Variants in IMMP2L observed in about 807,000 individuals in gnomAD.
IMMP2L encodes the protein inner mitochondrial membrane peptidase subunit 2, also known as mitochondrial inner membrane protease subunit 2.
IMMP2L carries 18 observed loss-of-function variants against 19.3 expected under a neutral mutation model. The observed-to-expected ratio is 0.93, with a 90% confidence interval of 0.64 to 1.38. The LOEUF is 1.38. Ranked by LOEUF, IMMP2L falls within the 40% of genes most tolerant of loss-of-function variation. The pLI, the probability that IMMP2L is intolerant of heterozygous loss-of-function variation, is 0.00. For missense variants in IMMP2L, 233 were observed against 218.2 expected, an observed-to-expected ratio of 1.07 and a Z score of -0.43; for synonymous variants, 76 against 73.0, an observed-to-expected ratio of 1.04 and a Z score of -0.21.
In IMMP2L at chr7:110,870,569, C is replaced by A. The variant is rs1055676378; in HGVS notation, c.408+16024G>T. 5.3e-5 allele frequency among the ~76,000 whole-genome samples: 8 copies of A among 151,958 alleles called. No homozygotes were observed. The highest frequency in any genetic ancestry group is 1.9e-4 in the African/African-American group (8 of 41,362). On this transcript the variant is annotated intron_variant, in intron 5 of 5. Coordinates refer to ENST00000405709, the MANE Select transcript of IMMP2L (RefSeq NM_032549.4). The surrounding 1 kb of genome is among the most constrained non-coding windows in gnomAD (Gnocchi z 4.2). ...GTGTGTGAGTGTGTGTGTGTGCACGCGCATGTGTGCGTGTGTTCCATTTTG... is the reference window on the plus strand; with the variant it reads ...GTGTGTGAGTGTGTGTGTGTGCACGAGCATGTGTGCGTGTGTTCCATTTTG...
At chr7:111,321,402 T>C (rs1824698329) in intron 3 of IMMP2L, among the ~76,000 whole-genome samples, 1 of 151,998 alleles carries the variant, frequency 6.6e-6, no homozygotes, top group Non-Finnish European at 1.5e-5. Flanking sequence ...TCTCCATCCA[T>C]TTTGAGTGCT....
intron 3 of IMMP2L, among the ~76,000 whole-genome samples, chr7:111,073,391 C>T (rs1795125280): frequency 6.6e-6 from 1 of 152,150 alleles, no homozygotes; most frequent in Non-Finnish European, 1.5e-5. Context: ...TTGTGCTATT[C>T]TTGCATATTT....
chr7:111,349,184 CT>C (rs1283068338), intron 3 of IMMP2L, among the ~76,000 whole-genome samples: 3 of 152,064 alleles, frequency 2.0e-5, no homozygotes, highest in African/African-American at 7.2e-5. Context: ...CATAGGATTG[CT>C]ACTTCAATTC....
At chr7:110,988,645 T>C (rs1016075542) in intron 3 of IMMP2L, among the ~76,000 whole-genome samples, 6 of 152,048 alleles carry the variant, frequency 3.9e-5, no homozygotes, top group African/African-American at 2.4e-5. Flanking sequence ...ACCTGGTCTA[T>C]ATACATGCCC....
intron 1 of IMMP2L, among the ~76,000 whole-genome samples, chr7:111,522,440 A>C (rs2132686160): frequency 6.6e-6 from 1 of 152,248 alleles, no homozygotes; most frequent in East Asian, 1.9e-4. Context: ...AAAAACGCAT[A>C]AGGAACTCCA....
At chr7:111,473,465 T>C (rs1245476957) in intron 3 of IMMP2L, among the ~76,000 whole-genome samples, 1 of 152,198 alleles carries the variant, frequency 6.6e-6, no homozygotes, top group Admixed American at 6.6e-5. Context: ...TCCTTGGTTG[T>C]ATATGTCCCT....
intron 5 of IMMP2L, among the ~76,000 whole-genome samples, chr7:110,691,209 A>C (rs1043238839): frequency 2.0e-5 from 3 of 152,100 alleles, no homozygotes; most frequent in African/African-American, 7.2e-5. Context: ...AGAAAAACAT[A>C]AATTGGGGAA....
At chr7:110,936,513 C>T (rs1222884020) in intron 4 of IMMP2L, among the ~76,000 whole-genome samples, 1 of 152,152 alleles carries the variant, frequency 6.6e-6, no homozygotes, top group Non-Finnish European at 1.5e-5. Flanking sequence ...CCATCTCACA[C>T]CAGTTAGAAT....
At chr7:111,531,783 T>G (rs1015036710) in intron 1 of IMMP2L, among the ~76,000 whole-genome samples, 2 of 152,164 alleles carry the variant, frequency 1.3e-5, no homozygotes, top group Non-Finnish European at 2.9e-5. Flanking sequence ...ACAGACCAGC[T>G]ACTTATCCAT....
chr7:110,674,186 A>C (rs1792124188), intron 5 of IMMP2L, among the ~76,000 whole-genome samples: 1 of 152,178 alleles, frequency 6.6e-6, no homozygotes, highest in African/African-American at 2.4e-5. Context: ...GGCAGCAGCA[A>C]GGAGAAATGT....
At chr7:110,990,352 T>G (rs2129559471) in intron 3 of IMMP2L, among the ~76,000 whole-genome samples, 1 of 152,238 alleles carries the variant, frequency 6.6e-6, no homozygotes, top group African/African-American at 2.4e-5. Flanking sequence ...TCTAATAGAT[T>G]TATAGGAAAT....
chr7:111,466,406 G>A (rs1840668393), intron 3 of IMMP2L, among the ~76,000 whole-genome samples: 2 of 151,866 alleles, frequency 1.3e-5, no homozygotes, highest in South Asian at 4.2e-4. Flanking sequence ...AGAGAACATG[G>A]GAAAAGAAAT....
intron 5 of IMMP2L, among the ~76,000 whole-genome samples, chr7:110,780,159 T>C (rs1349783367): frequency 2.6e-5 from 4 of 151,710 alleles, no homozygotes; most frequent in Non-Finnish European, 5.9e-5. Flanking sequence ...GGTTCCTTTT[T>C]CTGCTTCATT....
chr7:111,119,063 C>T (rs1183651577), intron 3 of IMMP2L, among the ~76,000 whole-genome samples: 3 of 152,140 alleles, frequency 2.0e-5, no homozygotes, highest in Non-Finnish European at 4.4e-5. Flanking sequence ...AATGCCTCAT[C>T]TTTAATATTT....
intron 5 of IMMP2L, among the ~76,000 whole-genome samples, chr7:110,830,555 A>C (rs998220880): frequency 1.3e-5 from 2 of 152,162 alleles, no homozygotes; most frequent in African/African-American, 4.8e-5. Context: ...GTTTATAATA[A>C]AGAAGGCCAT....
chr7:111,386,129 C>T (rs946555712), intron 3 of IMMP2L, among the ~76,000 whole-genome samples: 8 of 151,906 alleles, frequency 5.3e-5, no homozygotes, highest in Admixed American at 1.3e-4. Context: ...CCTCCCACCA[C>T]AGCCTCCCAA....
intron 3 of IMMP2L, among the ~76,000 whole-genome samples, chr7:111,059,645 T>C (rs558424851): frequency 3.3e-5 from 5 of 152,322 alleles, no homozygotes; most frequent in Non-Finnish European, 7.3e-5. Context: ...ATTTTATATA[T>C]TTTAGCATGA....
intron 3 of IMMP2L, among the ~76,000 whole-genome samples, chr7:110,987,865 A>C (rs556550825): frequency 1.4e-4 from 21 of 152,288 alleles, no homozygotes; most frequent in African/African-American, 5.1e-4. Flanking sequence ...TTACTGTCTC[A>C]GCTTAAGGTC....
intron 3 of IMMP2L, among the ~76,000 whole-genome samples, chr7:111,444,996 G>C (rs984520050): frequency 6.6e-6 from 1 of 152,048 alleles, no homozygotes; most frequent in Non-Finnish European, 1.5e-5. Context: ...ATAGTCTAAT[G>C]TTGAGCCTTA....
Sources: allele counts gnomAD v4.1 joint callset (sites outside exome capture counted in the v4.1 genomes callset), GRCh38; gene constraint gnomAD v4.1.1; non-coding constraint Gnocchi (gnomAD v3.1); transcripts MANE v1.5; gene names NCBI Gene and HGNC (gene_info 2026-07-23, HGNC 2026-07-21).